The following DPPA2 variants were observed in gnomAD, a reference collection of about 807,000 sequenced individuals.
The protein encoded by DPPA2 is developmental pluripotency associated 2, also known as developmental pluripotency-associated protein 2.
Under a neutral mutation model 36.2 loss-of-function variants are expected in DPPA2, and 26 were observed. The ratio of observed to expected loss-of-function variants is 0.72; its 90% CI spans 0.53 to 1.00. The LOEUF is 1.00. Among genes scored for constraint, DPPA2 ranks in the 50% least tolerant of loss-of-function variants. DPPA2 has a pLI of 0.00. For synonymous variants in DPPA2, 113 were observed against 123.2 expected, an observed-to-expected ratio of 0.92 and a Z score of 0.55; for missense variants, 361 against 365.1, an observed-to-expected ratio of 0.99 and a Z score of 0.09.
intron 6 of DPPA2, among the ~76,000 whole-genome samples, chr3:109,304,872 C>G (rs1707525704): frequency 6.6e-6 from 1 of 152,170 alleles, no homozygotes. Context: ...GCTGGCTAGG[C>G]GCGGTGGCTC....
At position 109,314,560 on chromosome 3, in the gene DPPA2, G is replaced by A; in HGVS notation, c.-13-5C>T. ...TCTGACATTTTCAGCAACACCCTGG[G>A]GAAGGCAAGGACAGCAATGTTAAGG... is the stretch of plus-strand genomic sequence containing the variant. On this transcript the variant is annotated splice_region_variant and splice_polypyrimidine_tract_variant and intron_variant, in intron 1 of 8. Coordinates refer to ENST00000478945, the MANE Select transcript of DPPA2 (RefSeq NM_138815.4). 1 of 1,607,940 alleles carries A rather than the reference G, an allele frequency of 6.2e-7. No individual in the cohort carries two copies. Among genetic ancestry groups the A allele is most frequent in the East Asian group, 2.2e-5 (1 of 44,850 alleles).
At chr3:109,294,936 G>A (rs143251896) in intron 8 of DPPA2, among the ~76,000 whole-genome samples, 190 of 152,136 alleles carry the variant, frequency 1.2e-3, no homozygotes, top group Admixed American at 3.7e-3. Flanking sequence ...CTGGAGAATC[G>A]CTTAAAGCCA....
At chr3:109,299,209 A>G (rs1361365001) in intron 8 of DPPA2, among the ~76,000 whole-genome samples, 1 of 151,756 alleles carries the variant, frequency 6.6e-6, no homozygotes, top group Non-Finnish European at 1.5e-5. Flanking sequence ...CATACCAAAA[A>G]AAAAAAAAAA....
At chr3:109,297,167 A>G (rs887707755) in intron 8 of DPPA2, among the ~76,000 whole-genome samples, 2 of 152,188 alleles carry the variant, frequency 1.3e-5, no homozygotes, top group African/African-American at 4.8e-5. Context: ...AGATACACAG[A>G]TGAGAAATAA....
intron 3 of DPPA2, among the ~76,000 whole-genome samples, chr3:109,309,917 A>G (rs9847886): frequency 0.023 from 3,534 of 151,810 alleles, 151 homozygotes; most frequent in African/African-American, 0.081. Context: ...CCCCGTCTCT[A>G]CTAAAAATAG....
chr3:109,314,266 A>G (rs976657511), intron 2 of DPPA2, among the ~76,000 whole-genome samples: 4 of 152,158 alleles, frequency 2.6e-5, no homozygotes, highest in African/African-American at 9.7e-5. Context: ...CCTACCAAAG[A>G]AATATTTTCC....
chr3:109,307,428 C>T (rs779206718), intron 6 of DPPA2, among the ~76,000 whole-genome samples: 2 of 151,414 alleles, frequency 1.3e-5, no homozygotes, highest in African/African-American at 4.8e-5. Context: ...ATAGTGAAAC[C>T]CCCTCTCTAC....
intron 6 of DPPA2, among the ~76,000 whole-genome samples, chr3:109,305,417 C>T (rs910063636): frequency 6.6e-5 from 10 of 152,102 alleles, no homozygotes; most frequent in Admixed American, 6.6e-4. Context: ...ACTTACAGTC[C>T]ATTTACCTAA....
At chr3:109,302,769 A>AG (rs1707479322) in intron 7 of DPPA2, among the ~76,000 whole-genome samples, 1 of 151,806 alleles carries the variant, frequency 6.6e-6, no homozygotes, top group Admixed American at 6.6e-5. Flanking sequence ...AAAAAAAAAA[A>AG]AAGCCCTTAA....
chr3:109,314,346 T>A (rs1408346208), intron 2 of DPPA2, among the ~76,000 whole-genome samples, 164 bp downstream of exon 2: 1 of 152,096 alleles, frequency 6.6e-6, no homozygotes, highest in African/African-American at 2.4e-5. Context: ...CACAATCACA[T>A]GAAAGAAAAC....
intron 7 of DPPA2, among the ~76,000 whole-genome samples, chr3:109,302,557 G>T (rs1241686319): frequency 6.6e-6 from 1 of 151,976 alleles, no homozygotes; most frequent in Non-Finnish European, 1.5e-5. Context: ...GTATTCAAAC[G>T]ATTCTCCTGC....
At chr3:109,307,650 A>AAG (rs1707604014) in intron 6 of DPPA2, among the ~76,000 whole-genome samples, 3 of 151,906 alleles carry the variant, frequency 2.0e-5, no homozygotes, top group Admixed American at 6.6e-5. Context: ...GGCTTAAAGT[A>AAG]AGTAACTTGC....
At chr3:109,307,927 A>G in intron 6 of DPPA2, 105 bp downstream of exon 6, 1 of 1,389,752 alleles carries the variant, frequency 7.2e-7, no homozygotes, top group Non-Finnish European at 9.6e-7. Flanking sequence ...TCTAATCTTC[A>G]GATATTTTAG....
chr3:109,306,457 G>A (rs1443602454), intron 6 of DPPA2, among the ~76,000 whole-genome samples: 1 of 152,108 alleles, frequency 6.6e-6, no homozygotes, highest in Non-Finnish European at 1.5e-5. Context: ...CTTCTGGCTG[G>A]TTTCCTTGTA....
intron 3 of DPPA2, among the ~76,000 whole-genome samples, chr3:109,309,563 G>C (rs9810069): frequency 6.6e-6 from 1 of 151,494 alleles, no homozygotes; most frequent in African/African-American, 2.4e-5. Flanking sequence ...GCTGGCGGGC[G>C]CCTGTAGTCC....
Position 109,309,907 on chromosome 3 carries a change from C to G in DPPA2, c.182-577G>C, listed in dbSNP as rs1339939610. Among the ~76,000 whole-genome samples the G allele has an allele frequency of 2.6e-5, 4 of 151,692 alleles. No homozygotes were observed. In the South Asian group the frequency reaches 8.3e-4, roughly 32 times the overall value. ...GACCAGCCCGGCCAACATGGTAAAA[C>G]CCCGTCTCTACTAAAAATAGAAAAA... On this transcript the variant is annotated intron_variant, in intron 3 of 8. Transcript: ENST00000478945.
Position 109,301,666 on chromosome 3 carries a change from T to A in DPPA2, c.855-1231A>T, listed in dbSNP as rs764448681. Among the ~76,000 whole-genome samples the A allele has an allele frequency of 5.8e-5, 5 of 86,430 alleles. No individual in the cohort carries two copies. The South Asian group carries it at 2.3e-3, about 40-fold the overall frequency. The allele number at this position is 86,430 out of a possible 152,430, so 56.7% of individuals were successfully genotyped here. ...GACTCCATCTCAAATAAAAAAAAAA[T>A]TTAAAAAGGAAAAGAGAGAAAGAAA... On this transcript the variant is annotated intron_variant, in intron 7 of 8. Transcript: ENST00000478945.
Position 109,300,440 on chromosome 3 carries a change from A to T in DPPA2, c.855-5T>A, listed in dbSNP as rs751483506. The T allele has an allele frequency of 1.2e-6, 2 of 1,613,840 alleles. No individual in the cohort carries two copies. Among genetic ancestry groups the T allele is most frequent in the South Asian group, 2.2e-5 (2 of 91,066 alleles). On this transcript the variant is annotated splice_polypyrimidine_tract_variant and splice_region_variant and intron_variant, in intron 7 of 8. Transcript: ENST00000478945. ...CTTTTCATCATCTTCTTATTCCTGT[A>T]AGGCAAGTAGAAAAGAACTGTGAAA...
intron 1 of DPPA2, among the ~76,000 whole-genome samples, chr3:109,314,794 G>A (rs534184527): frequency 1.1e-4 from 17 of 152,124 alleles, no homozygotes; most frequent in Non-Finnish European, 2.2e-4. Flanking sequence ...TGGGTGCGAT[G>A]GCTCATGCCT....
Sources: gnomAD v4.1 joint callset for allele counts (sites outside exome capture counted in the v4.1 genomes callset) on GRCh38, gnomAD v4.1.1 for gene constraint, MANE v1.5 for transcripts, NCBI Gene and HGNC (gene_info 2026-07-23, HGNC 2026-07-21) for gene names.